PIK3R4: variants seen among roughly 807,000 people sequenced by gnomAD.
The protein encoded by PIK3R4 is phosphoinositide 3-kinase regulatory subunit 4.
Under a neutral mutation model 136.5 loss-of-function variants are expected in PIK3R4, and 46 were observed. The ratio of observed to expected loss-of-function variants is 0.34; its 90% CI spans 0.27 to 0.43. The LOEUF is 0.43. PIK3R4 is among the 20% of genes least tolerant of loss of function. The pLI is 1.00. For missense variants in PIK3R4, 1,331 were observed against 1,649.5 expected (o/e 0.81, Z 3.35); for synonymous variants, 557 against 566.7 (o/e 0.98, Z 0.24).
chr3:130,679,784 A>T (rs2108512955), intron 19 of PIK3R4, among the ~76,000 whole-genome samples: 1 of 152,312 alleles, frequency 6.6e-6, no homozygotes, highest in South Asian at 2.1e-4. Flanking sequence ...GAATATAATT[A>T]AAAGATGTAT....
chr3:130,688,379 A>T (rs1435711774), intron 14 of PIK3R4, among the ~76,000 whole-genome samples: 1 of 152,250 alleles, frequency 6.6e-6, no homozygotes, highest in East Asian at 1.9e-4. Flanking sequence ...GTCAAATTCA[A>T]AAACTGTTTT....
Position 130,690,499 on chromosome 3 carries a change from A to C in PIK3R4, c.3254T>G (p.Leu1085Arg). The change falls in exon 14 of 20, where the codon CTA (leucine) becomes CGA (arginine). Residue 1085 changes from leucine to arginine, a missense_variant. By Grantham distance (102) the Leu-to-Arg change is moderately radical. Coordinates refer to ENST00000356763, the MANE Select transcript of PIK3R4 (RefSeq NM_014602.3). ...ACAAAAGATAAGATACCTGCTTTGT[A>C]GAGGATGGATTTTAGGAGACTTGGG... ...KLPKSPKIHP[L>R]QSRILDQKED... 1 of 1,611,164 alleles carries C rather than the reference A, an allele frequency of 6.2e-7. No individual in the cohort carries two copies.
Position 130,681,089 on chromosome 3 carries a change from CAAATA to C in PIK3R4, c.3709-29_3709-25del, listed in dbSNP as rs748651345. Reference sequence around the variant, plus strand: ...GGCTTAAAAGAAATAGATGTGGAGTCAAATAAAAGACATCCGTGTATTCCATAAAT... The same window carrying C: ...GGCTTAAAAGAAATAGATGTGGAGTCAAAGACATCCGTGTATTCCATAAAT... On this transcript the variant is annotated intron_variant, in intron 17 of 19. Coordinates refer to ENST00000356763, the MANE Select transcript of PIK3R4 (RefSeq NM_014602.3). The C allele has an allele frequency of 4.0e-6, 5 of 1,234,662 alleles. No individual in the cohort carries two copies. In the Admixed American group the frequency reaches 8.4e-5, roughly 21 times the overall value. 76.5% of individuals were successfully genotyped at this position (1,234,662 alleles called of 1,614,324 possible).
Position 130,679,193 on chromosome 3 carries a change from A to AAAC in PIK3R4, c.*119_*121dup. 3 of 550,430 alleles carry AAAC rather than the reference A, an allele frequency of 5.5e-6. No individual in the cohort carries two copies. The highest frequency in any genetic ancestry group is 8.9e-6 in the Non-Finnish European group (3 of 337,062). The allele number at this position is 550,430 out of a possible 1,614,324, so 34.1% of individuals were successfully genotyped here. On this transcript the variant is annotated 3_prime_UTR_variant, in exon 20 of 20. Coordinates refer to ENST00000356763, the MANE Select transcript of PIK3R4 (RefSeq NM_014602.3). ...GGTGTCATTTAGTCAGTCAGTCATG[A>AAAC]AACAGTAATATGGAGACATAATTTT...
At chr3:130,695,535 A>C (rs2066541274) in intron 13 of PIK3R4, among the ~76,000 whole-genome samples, 1 of 152,136 alleles carries the variant, frequency 6.6e-6, no homozygotes, top group Non-Finnish European at 1.5e-5. Context: ...TCATTCCTTT[A>C]TCCAGCTGAA....
chr3:130,689,721 T>A (rs896837926), intron 14 of PIK3R4, among the ~76,000 whole-genome samples: 32 of 152,326 alleles, frequency 2.1e-4, no homozygotes, highest in African/African-American at 7.7e-4. Context: ...TGGTCTTGCC[T>A]GTTGTCTTCC....
At chr3:130,703,654 A>C in intron 13 of PIK3R4, 69 bp downstream of exon 13, 1 of 1,155,696 alleles carries the variant, frequency 8.7e-7, no homozygotes, top group Non-Finnish European at 1.3e-6. Flanking sequence ...TGGTTATTAT[A>C]GAGTAAACAC....
intron 8 of PIK3R4, among the ~76,000 whole-genome samples, chr3:130,717,285 T>C (rs1454008956): frequency 6.6e-6 from 1 of 152,100 alleles, no homozygotes; most frequent in South Asian, 2.1e-4. Flanking sequence ...CTAATCCAAA[T>C]TGTAGAAAAA....
chr3:130,729,006 TAA>T (rs1237507359), intron 5 of PIK3R4, among the ~76,000 whole-genome samples: 5 of 152,190 alleles, frequency 3.3e-5, no homozygotes, highest in Non-Finnish European at 7.4e-5. Flanking sequence ...ATTGCCCCAG[TAA>T]GATCCCAGTT....
chr3:130,708,527 T>C (rs2066617890), intron 9 of PIK3R4, 35 bp from the exon 10 acceptor site: 1 of 1,553,692 alleles, frequency 6.4e-7, no homozygotes, highest in African/African-American at 1.4e-5. Flanking sequence ...TCTAGTTTAT[T>C]TTCACAAATA....
At chr3:130,694,643 G>C (rs894409666) in intron 13 of PIK3R4, among the ~76,000 whole-genome samples, 1 of 152,000 alleles carries the variant, frequency 6.6e-6, no homozygotes, top group African/African-American at 2.4e-5. Context: ...CAACTTTGTT[G>C]AACTTATTAG....
At chr3:130,680,531 A>G (rs1490399443) in intron 19 of PIK3R4, 82 bp downstream of exon 19, 3 of 676,436 alleles carry the variant, frequency 4.4e-6, no homozygotes, top group Non-Finnish European at 7.6e-6. Context: ...CGCTTGGTCA[A>G]GCCATTTATT....
chr3:130,682,795 G>C (rs2066467111), intron 16 of PIK3R4, among the ~76,000 whole-genome samples: 1 of 152,090 alleles, frequency 6.6e-6, no homozygotes, highest in African/African-American at 2.4e-5. Flanking sequence ...ATCCTACCTT[G>C]AGTGTGCTAC....
intron 14 of PIK3R4, 22 bp downstream of exon 14, chr3:130,690,468 A>G: frequency 6.3e-7 from 1 of 1,589,322 alleles, no homozygotes; most frequent in South Asian, 1.1e-5. Flanking sequence ...ACAATGTTTA[A>G]GAAAGACAAA....
rs1186998402 is a variant in PIK3R4 at position 130,723,517 on chromosome 3, A to G, written c.1878T>C (p.Asp626=). 3 of 1,614,162 alleles carry G rather than the reference A, an allele frequency of 1.9e-6. No individual in the cohort carries two copies. The highest frequency in any genetic ancestry group is 2.5e-6 in the Non-Finnish European group (3 of 1,179,980). The change falls in exon 7 of 20, where the codon GAT becomes GAC. Residue 626 remains aspartate, a synonymous_variant. Coordinates refer to ENST00000356763, the MANE Select transcript of PIK3R4 (RefSeq NM_014602.3). ...LKPLLQQGLS[D]AEEFVIVKAL... ...CTTTCACAATGACAAATTCCTCAGC[A>G]TCACTAAGACCTTGTTGCAGCAGAG...
In PIK3R4 at chr3:130,706,954, A is replaced by G; in HGVS notation, c.2715T>C (p.Ser905=). 1 of 1,607,842 alleles carries G rather than the reference A, an allele frequency of 6.2e-7. No homozygotes were observed. Among genetic ancestry groups the G allele is most frequent in the Middle Eastern group, 1.7e-4 (1 of 6,026 alleles). Reference sequence around the variant, plus strand: ...TGACTGGGTGACACAGTACCTGTGAAGAAGTTGACAAAGGGACACAAATGC... The same window carrying G: ...TGACTGGGTGACACAGTACCTGTGAGGAAGTTGACAAAGGGACACAAATGC... The part of the protein sequence containing the change: ...SAGICVPLST[S]SQVPEVTTVQ... The change falls in exon 11 of 20, where the codon TCT becomes TCC. Residue 905 remains serine, a synonymous_variant. Coordinates refer to ENST00000356763, the MANE Select transcript of PIK3R4 (RefSeq NM_014602.3).
chr3:130,710,736 T>C (rs889082637), intron 9 of PIK3R4, among the ~76,000 whole-genome samples: 9 of 152,098 alleles, frequency 5.9e-5, no homozygotes, highest in African/African-American at 1.9e-4. Context: ...AAAGGAAATA[T>C]AAAAATTGTT....
At chr3:130,746,014 C>T (rs1208023507) in intron 1 of PIK3R4, among the ~76,000 whole-genome samples, 1 of 150,818 alleles carries the variant, frequency 6.6e-6, no homozygotes, top group Non-Finnish European at 1.5e-5. Context: ...AGCGAGACTC[C>T]GTCCGTCTCA....
intron 13 of PIK3R4, among the ~76,000 whole-genome samples, chr3:130,700,712 C>T (rs1289736591): frequency 6.6e-6 from 1 of 152,180 alleles, no homozygotes; most frequent in Non-Finnish European, 1.5e-5. Context: ...GTAACATTTC[C>T]TAAGAAAACA....
Sources: gnomAD v4.1 joint callset for allele counts (sites outside exome capture counted in the v4.1 genomes callset) on GRCh38, gnomAD v4.1.1 for gene constraint, MANE v1.5 for transcripts, NCBI Gene and HGNC (gene_info 2026-07-23, HGNC 2026-07-21) for gene names.